Variants in MYO3B observed in about 807,000 individuals in gnomAD.
MYO3B encodes the protein myosin-IIIb.
MYO3B carries 156 observed loss-of-function variants against 174.6 expected under a neutral mutation model. That is an observed-to-expected ratio of 0.89 (90% CI 0.78 to 1.02). The LOEUF (loss-of-function observed/expected upper bound fraction) is 1.02. Among genes scored for constraint, MYO3B ranks in the 50% least tolerant of loss-of-function variants. MYO3B has a pLI of 0.00. For missense variants in MYO3B, 1,632 were observed against 1,639.4 expected, an observed-to-expected ratio of 1.00 and a Z score of 0.08; for synonymous variants, 563 against 569.1, an observed-to-expected ratio of 0.99 and a Z score of 0.15.
chr2:170,518,988 A>G (rs1688491063), intron 29 of MYO3B, among the ~76,000 whole-genome samples: 1 of 152,234 alleles, frequency 6.6e-6, no homozygotes, highest in African/African-American at 2.4e-5. Context: ...TACTCCTGGA[A>G]TTATTCCCTG....
In MYO3B at chr2:170,358,465, G is replaced by T. The variant is rs113742090; in HGVS notation, c.816-10757G>T. 1.6e-3 allele frequency among the ~76,000 whole-genome samples: 244 copies of T among 152,198 alleles called. 1 individual carries two copies. The highest frequency in any genetic ancestry group is 5.1e-3 in the African/African-American group (212 of 41,508). ...GGGTGTGAATGCTAATGGATACGGG[G>T]TTTCTTTTTGGGGTGATGAAAATGT... On this transcript the variant is annotated intron_variant, in intron 8 of 34. Coordinates refer to ENST00000408978, the MANE Select transcript of MYO3B (RefSeq NM_138995.5).
chr2:170,622,645 C>T (rs1057226852), intron 32 of MYO3B, among the ~76,000 whole-genome samples: 3 of 152,052 alleles, frequency 2.0e-5, no homozygotes, highest in Non-Finnish European at 4.4e-5. Context: ...CATATGTATA[C>T]ATGTGCCATG....
intron 32 of MYO3B, among the ~76,000 whole-genome samples, chr2:170,630,303 G>A (rs1696840587): frequency 6.7e-6 from 1 of 149,104 alleles, no homozygotes; most frequent in East Asian, 2.0e-4. Flanking sequence ...CTTGCTCATT[G>A]CTAGTCCGAG....
intron 32 of MYO3B, among the ~76,000 whole-genome samples, chr2:170,563,886 CAGA>C (rs1303139001): frequency 6.6e-6 from 1 of 152,180 alleles, no homozygotes; most frequent in African/African-American, 2.4e-5. Flanking sequence ...CCTTTATCTA[CAGA>C]AGAAGCTGGG....
intron 7 of MYO3B, among the ~76,000 whole-genome samples, chr2:170,292,414 G>A (rs2093602215): frequency 6.6e-6 from 1 of 152,106 alleles, no homozygotes; most frequent in Non-Finnish European, 1.5e-5. Context: ...TGTCTCATTA[G>A]GTCAGTCACT....
At chr2:170,408,001 G>A (rs2105816082) in intron 22 of MYO3B, among the ~76,000 whole-genome samples, 157 bp downstream of exon 22, 1 of 152,344 alleles carries the variant, frequency 6.6e-6, no homozygotes, top group Non-Finnish European at 1.5e-5. Context: ...GAAAATGTTT[G>A]TTTCTTTTGT....
chr2:170,356,985 G>C (rs1180919097), intron 8 of MYO3B, among the ~76,000 whole-genome samples: 3 of 151,840 alleles, frequency 2.0e-5, no homozygotes, highest in Non-Finnish European at 2.9e-5. Flanking sequence ...GTCTCCCTGT[G>C]TGGCTCAGGC....
chr2:170,335,523 G>A, intron 8 of MYO3B, 73 bp downstream of exon 8: 1 of 1,209,290 alleles, frequency 8.3e-7, no homozygotes, highest in African/African-American at 1.5e-5. Context: ...TCCAGGCTGT[G>A]GAATTTACTT....
At chr2:170,500,024 C>T (rs1380396944) in intron 27 of MYO3B, among the ~76,000 whole-genome samples, 4 of 151,328 alleles carry the variant, frequency 2.6e-5, no homozygotes, top group Non-Finnish European at 5.9e-5. Flanking sequence ...GTGCCTACTA[C>T]ACAGGTTCTG....
chr2:170,443,891 C>T (rs2094820879), intron 22 of MYO3B, 76 bp from the exon 23 acceptor site: 4 of 1,309,726 alleles, frequency 3.1e-6, no homozygotes, highest in Non-Finnish European at 4.3e-6. Flanking sequence ...ATACAAGGAC[C>T]CAAAGGGAAA....
chr2:170,322,198 C>T (rs2093833402), intron 7 of MYO3B, among the ~76,000 whole-genome samples: 1 of 150,938 alleles, frequency 6.6e-6, no homozygotes, highest in African/African-American at 2.4e-5. Flanking sequence ...CAGGAAGTGA[C>T]AACAGATTGA....
At chr2:170,389,324 G>A (rs917335834) in intron 14 of MYO3B, among the ~76,000 whole-genome samples, 14 of 152,184 alleles carry the variant, frequency 9.2e-5, no homozygotes, top group African/African-American at 3.4e-4. Flanking sequence ...AAGTGGGCAT[G>A]TAATGGCAAC....
At chr2:170,297,291 G>GCTCCCAATGGCCACCCC (rs2093634996) in intron 7 of MYO3B, among the ~76,000 whole-genome samples, 1 of 150,464 alleles carries the variant, frequency 6.6e-6, no homozygotes, top group Non-Finnish European at 1.5e-5. Flanking sequence ...AAACATACCC[G>GCTCCCAATGGCCACCCC]CTCCCAATGG....
chr2:170,481,956 G>C (rs182536236), intron 25 of MYO3B, among the ~76,000 whole-genome samples: 34 of 152,040 alleles, frequency 2.2e-4, no homozygotes, highest in Non-Finnish European at 4.1e-4. Context: ...CTTACATTAC[G>C]AATGTTATAA....
intron 7 of MYO3B, among the ~76,000 whole-genome samples, chr2:170,304,017 T>A (rs1404197040): frequency 6.6e-6 from 1 of 152,192 alleles, no homozygotes. Context: ...TATTTAACTA[T>A]GCCCTTATAG....
At chr2:170,199,504 A>C (rs956438909) in intron 2 of MYO3B, 113 bp downstream of exon 2, 5 of 829,074 alleles carry the variant, frequency 6.0e-6, no homozygotes, top group African/African-American at 1.7e-5. Flanking sequence ...ATGAAATCTC[A>C]AAATGGGTCA....
chr2:170,551,348 A>ATTT (rs5836286), intron 32 of MYO3B, among the ~76,000 whole-genome samples: 19 of 143,788 alleles, frequency 1.3e-4, no homozygotes, highest in South Asian at 4.4e-4. Flanking sequence ...AATTTAATTT[A>ATTT]ATTATTTATT....
chr2:170,500,367 G>A (rs1687181502), intron 27 of MYO3B, among the ~76,000 whole-genome samples: 2 of 152,192 alleles, frequency 1.3e-5, no homozygotes, highest in South Asian at 4.1e-4. Context: ...TGACCTCTGG[G>A]TGATATTTAC....
chr2:170,271,929 G>A (rs2093427819), intron 7 of MYO3B, among the ~76,000 whole-genome samples: 1 of 151,940 alleles, frequency 6.6e-6, no homozygotes, highest in Non-Finnish European at 1.5e-5. Flanking sequence ...TTTGTATTCA[G>A]GTTTCAGTAT....
Sources: gnomAD v4.1 joint callset for allele counts (sites outside exome capture counted in the v4.1 genomes callset) on GRCh38, gnomAD v4.1.1 for gene constraint, MANE v1.5 for transcripts, NCBI Gene and HGNC (gene_info 2026-07-23, HGNC 2026-07-21) for gene names.